The following TCF25 variants were observed in gnomAD, a reference collection of about 807,000 sequenced individuals.
TCF25 encodes the protein TCF25 ribosome quality control complex subunit.
In TCF25, 41 loss-of-function variants were observed where a neutral mutation model predicts 83.1. The observed-to-expected ratio is 0.49, with a 90% CI of 0.38 to 0.64. TCF25 has a LOEUF of 0.64. Among genes scored for constraint, TCF25 ranks in the 30% least tolerant of loss-of-function variants. TCF25 has a pLI of 0.00. For missense variants in TCF25, 979 were observed against 914.5 expected (o/e 1.07, Z -0.91); for synonymous variants, 458 against 365.0 (o/e 1.25, Z -2.90).
intron 14 of TCF25, among the ~76,000 whole-genome samples, chr16:89,905,891 G>T (rs1792091024): frequency 1.3e-5 from 2 of 152,208 alleles, no homozygotes; most frequent in African/African-American, 4.8e-5. Context: ...TCCCTTCATG[G>T]AGATGAACTC....
intron 6 of TCF25, among the ~76,000 whole-genome samples, 179 bp downstream of exon 6, chr16:89,892,454 C>T (rs2043505371): frequency 2.0e-5 from 3 of 152,176 alleles, no homozygotes; most frequent in African/African-American, 7.2e-5. Flanking sequence ...CCTCTTGAGC[C>T]GAGACTCTTT....
intron 11 of TCF25, 26 bp downstream of exon 11, chr16:89,898,898 G>A (rs779864929): frequency 1.4e-5 from 23 of 1,600,762 alleles, no homozygotes; most frequent in East Asian, 8.9e-5. Flanking sequence ...GTGAGGCCCC[G>A]TGGAGGGACG....
chr16:89,885,612 C>A (rs1418822465), intron 3 of TCF25, among the ~76,000 whole-genome samples: 1 of 152,178 alleles, frequency 6.6e-6, no homozygotes, highest in Non-Finnish European at 1.5e-5. Context: ...ATGTGGAATG[C>A]CCAGTTTTTT....
chr16:89,895,870 C>A, intron 8 of TCF25, 120 bp from the exon 9 acceptor site: 1 of 844,828 alleles, frequency 1.2e-6, no homozygotes. Flanking sequence ...CTCTCAGTGT[C>A]CAGGACTCTA....
chr16:89,904,827 C>A, intron 13 of TCF25, 111 bp from the exon 14 acceptor site: 2 of 1,361,302 alleles, frequency 1.5e-6, no homozygotes, highest in Non-Finnish European at 2.0e-6. Flanking sequence ...TCACTCCAGG[C>A]CACAGGGCAC....
intron 12 of TCF25, among the ~76,000 whole-genome samples, chr16:89,903,796 G>C (rs780711933): frequency 6.6e-6 from 1 of 152,092 alleles, no homozygotes; most frequent in South Asian, 2.1e-4. Context: ...AACAGAGTGA[G>C]ACCCTGTCTC....
rs1463450679 is a variant in TCF25 at position 89,885,927 on chromosome 16, C to G, written c.509C>G (p.Pro170Arg). The G allele has an allele frequency of 5.6e-6, 9 of 1,613,402 alleles. No individual in the cohort carries two copies. Among genetic ancestry groups the G allele is most frequent in the Non-Finnish European group, 7.6e-6 (9 of 1,179,990 alleles). The change falls in exon 4 of 18, where the codon CCC (proline) becomes CGC (arginine). Residue 170 changes from proline (P) to arginine (R), a missense_variant. Physicochemically the swap from Pro to Arg is moderately radical, Grantham distance 103 (BLOSUM62 -2). Coordinates refer to ENST00000263346, the MANE Select transcript of TCF25 (RefSeq NM_014972.3). Reference sequence around the variant, plus strand: ...GGGTTGAACCGTCCCGGCCCAGCTCCCCTGAGCTCCAGGAAGCACGTTCTC... The same window carrying G: ...GGGTTGAACCGTCCCGGCCCAGCTCGCCTGAGCTCCAGGAAGCACGTTCTC... Reference protein sequence around the residue: ...STGLNRPGPAPLSSRKHVLYV... With the variant: ...STGLNRPGPARLSSRKHVLYV...
At chr16:89,874,303 C>T (rs1196634560) in intron 1 of TCF25, among the ~76,000 whole-genome samples, 3 of 103,464 alleles carry the variant, frequency 2.9e-5, no homozygotes, top group Non-Finnish European at 1.9e-5. Flanking sequence ...CGCTAAAGGG[C>T]GTGGCTAAAG....
At chr16:89,908,390 T>G (rs1408932941) in intron 16 of TCF25, among the ~76,000 whole-genome samples, 2 of 141,490 alleles carry the variant, frequency 1.4e-5, no homozygotes, top group African/African-American at 5.4e-5. Flanking sequence ...ACCTCCCTCC[T>G]TCCAGTTTCC....
Position 89,899,120 on chromosome 16 carries a change from T to C in TCF25, c.1221+248T>C, listed in dbSNP as rs1054421031. Among the ~76,000 whole-genome samples, 12 of 152,096 alleles carry C rather than the reference T, an allele frequency of 7.9e-5. 1 individual carries two copies. The highest frequency in any genetic ancestry group is 7.9e-4 in the Admixed American group (12 of 15,274). On this transcript the variant is annotated intron_variant, in intron 11 of 17. Transcript: ENST00000263346. ...ATACGTGTGTACACATGCTCAAACG[T>C]GTGTACACATGCACACGTGTGCCTG...
chr16:89,881,036 A>T (rs1361584532), intron 1 of TCF25, among the ~76,000 whole-genome samples: 2 of 152,178 alleles, frequency 1.3e-5, no homozygotes, highest in Non-Finnish European at 2.9e-5. Flanking sequence ...GGCTCTGTTT[A>T]CATAACACGT....
At chr16:89,881,995 C>T (rs540104555) in intron 1 of TCF25, among the ~76,000 whole-genome samples, 40 of 152,172 alleles carry the variant, frequency 2.6e-4, no homozygotes, top group African/African-American at 9.6e-4. Flanking sequence ...CCTCGTGATC[C>T]ACCCACCTCG....
intron 9 of TCF25, among the ~76,000 whole-genome samples, chr16:89,896,441 T>G (rs1342340663): frequency 6.6e-6 from 1 of 151,968 alleles, no homozygotes; most frequent in Non-Finnish European, 1.5e-5. Flanking sequence ...GGCACAGTGG[T>G]TCACGCCTGT....
At position 89,894,939 on chromosome 16, in the gene TCF25, C is replaced by T. The variant is rs112085618; in HGVS notation, c.829-99C>T. The stretch of plus-strand genomic sequence containing the variant: ...GGATTACAGGCGTGAGCCACTGCGC[C>T]CAGCCTCCGCTGGTTTTAAATGTCT... On this transcript the variant is annotated intron_variant, in intron 7 of 17. Coordinates refer to ENST00000263346, the MANE Select transcript of TCF25 (RefSeq NM_014972.3). 5.6e-6 allele frequency: 6 copies of T among 1,074,370 alleles called. No individual in the cohort carries two copies. In the African/African-American group the frequency reaches 6.2e-5, roughly 11 times the overall value. 66.6% of individuals were successfully genotyped at this position (1,074,370 alleles called of 1,614,324 possible). A position where few individuals can be genotyped will look rare whatever the true frequency, so the allele number is the denominator to read the frequency against.
rs747137723 is a variant in TCF25, at chr16:89,883,451, A to G, written c.293A>G (p.Gln98Arg). The G allele has an allele frequency of 3.1e-6, 5 of 1,614,050 alleles. No homozygotes were observed. Among genetic ancestry groups the G allele is most frequent in the East Asian group, 2.2e-5 (1 of 44,874 alleles). ...AVAPGNKGRG[Q>R]RGNTESKTDG... ...GCACCAGGGAACAAAGGAAGGGGTC[A>G]GCGTGGAAACACAGAGAGCAAGACG... Residue 98 changes from glutamine (Q) to arginine (R), a missense_variant, in exon 2 of 18, where the codon CAG becomes CGG. By Grantham distance (43) the Gln-to-Arg change is conservative. Coordinates refer to ENST00000263346, the MANE Select transcript of TCF25 (RefSeq NM_014972.3).
chr16:89,897,728 C>A (rs1037675218), intron 9 of TCF25, among the ~76,000 whole-genome samples: 3 of 152,170 alleles, frequency 2.0e-5, no homozygotes, highest in Admixed American at 1.3e-4. Flanking sequence ...TGCTGTTAGC[C>A]ACTGTTGAGA....
chr16:89,886,053 T>TGCCCTTCTCTGC lies in TCF25; in HGVS notation c.548+88_548+89insCCCTTCTCTGCG, dbSNP rs1567705159. On this transcript the variant is annotated intron_variant, in intron 4 of 17. Transcript: ENST00000263346. ...CCTTCTCTGCGGCTGCCCTTCTCTG[T>TGCCCTTCTCTGC]GGCTGCCACAGAGACTTCGTGGGAG... 2.9e-5 allele frequency: 20 copies of TGCCCTTCTCTGC among 678,112 alleles called. No individual in the cohort carries two copies. In the African/African-American group the frequency reaches 5.3e-4, roughly 18 times the overall value. The allele number at this position is 678,112 out of a possible 1,614,324, so 42.0% of individuals were successfully genotyped here.
chr16:89,894,222 AGCCCCCGGACG>A (rs1236108495), intron 7 of TCF25, among the ~76,000 whole-genome samples: 2 of 151,082 alleles, frequency 1.3e-5, no homozygotes, highest in South Asian at 2.1e-4. Flanking sequence ...GCCCCCGTGC[AGCCCCCGGACG>A]GCCCCCACAC....
At chr16:89,873,902 A>G (rs2041945046) in intron 1 of TCF25, 43 bp downstream of exon 1, 2 of 1,354,410 alleles carry the variant, frequency 1.5e-6, no homozygotes, top group African/African-American at 1.6e-5. Context: ...GTGGCCCTTG[A>G]CGTTGTGGGG....
Sources: gnomAD v4.1 joint callset for allele counts (sites outside exome capture counted in the v4.1 genomes callset) on GRCh38, gnomAD v4.1.1 for gene constraint, MANE v1.5 for transcripts, NCBI Gene and HGNC (gene_info 2026-07-23, HGNC 2026-07-21) for gene names.